The following GRIK2 variants were observed in gnomAD, a reference collection of about 807,000 sequenced individuals.
The protein encoded by GRIK2 is glutamate ionotropic receptor kainate type subunit 2, also known as glutamate receptor ionotropic, kainate 2.
Under a neutral mutation model 100.3 loss-of-function variants are expected in GRIK2, and 32 were observed. That is an observed-to-expected ratio of 0.32 (90% CI 0.24 to 0.43). The LOEUF (loss-of-function observed/expected upper bound fraction) is 0.43. Among genes scored for constraint, GRIK2 ranks in the 20% least tolerant of loss-of-function variants. The pLI is 1.00. For synonymous variants in GRIK2, 417 were observed against 389.4 expected, an observed-to-expected ratio of 1.07 and a Z score of -0.83; for missense variants, 843 against 1,114.9, an observed-to-expected ratio of 0.76 and a Z score of 3.47.
intron 12 of GRIK2, among the ~76,000 whole-genome samples, chr6:101,920,468 A>C (rs781191500): frequency 6.6e-6 from 1 of 151,950 alleles, no homozygotes; most frequent in Non-Finnish European, 1.5e-5. Flanking sequence ...GGGTTGAATA[A>C]CAAGAGCAGA....
rs185200107 is a variant in GRIK2 at position 101,518,519 on chromosome 6, T to G, written c.116-103430T>G. ...TATTGGAGAGGCAATCAATTTTCTA[T>G]GTGAAACAGATAGTAATATTAGCTG... On this transcript the variant is annotated intron_variant, in intron 2 of 16. Coordinates refer to ENST00000369134, the MANE Select transcript of GRIK2 (RefSeq NM_021956.5). Among the ~76,000 whole-genome samples, 989 of 150,166 alleles carry G rather than the reference T, an allele frequency of 6.6e-3. 8 individuals are homozygous for G. The highest frequency in any genetic ancestry group is 0.011 in the Non-Finnish European group (752 of 66,970).
chr6:101,805,375 T>C (rs1290985906), intron 9 of GRIK2, among the ~76,000 whole-genome samples: 1 of 151,806 alleles, frequency 6.6e-6, no homozygotes, highest in East Asian at 1.9e-4. Flanking sequence ...GTGAGAATAC[T>C]ATGGCCTCTA....
chr6:101,845,109 C>A (rs1783733462), intron 10 of GRIK2, among the ~76,000 whole-genome samples: 1 of 152,044 alleles, frequency 6.6e-6, no homozygotes, highest in South Asian at 2.1e-4. Context: ...CAACCTCCAA[C>A]TCCTGGCTCA....
chr6:101,409,578 G>A (rs1046854826), intron 2 of GRIK2, among the ~76,000 whole-genome samples: 6 of 152,010 alleles, frequency 3.9e-5, no homozygotes, highest in African/African-American at 9.7e-5. Context: ...ATGTTAGACC[G>A]TGAATTTAGT....
intron 14 of GRIK2, among the ~76,000 whole-genome samples, chr6:102,031,814 GA>G (rs1190765591): frequency 6.6e-6 from 1 of 151,200 alleles, no homozygotes; most frequent in Non-Finnish European, 1.5e-5. Context: ...TCTTTTTTAT[GA>G]CTGTGTAGTA....
At chr6:101,464,540 CAG>C (rs1771529631) in intron 2 of GRIK2, among the ~76,000 whole-genome samples, 2 of 89,648 alleles carry the variant, frequency 2.2e-5, no homozygotes, top group African/African-American at 8.4e-5. Flanking sequence ...TTTTTTGAGA[CAG>C]AGTCTCACTC....
intron 4 of GRIK2, among the ~76,000 whole-genome samples, chr6:101,645,732 A>G (rs910965920): frequency 1.3e-5 from 2 of 151,836 alleles, no homozygotes; most frequent in African/African-American, 4.8e-5. Context: ...ATGGGTTTTT[A>G]TTGCAGCATT....
At position 101,579,803 on chromosome 6, in the gene GRIK2, A is replaced by G. The variant is rs576912180; in HGVS notation, c.116-42146A>G. Reference sequence around the variant, plus strand: ...GAGGCGGAGGTTGCAGTGAGCCGAGATCATGCCACTGAACTCCAACCTGGC... The same window carrying G: ...GAGGCGGAGGTTGCAGTGAGCCGAGGTCATGCCACTGAACTCCAACCTGGC... On this transcript the variant is annotated intron_variant, in intron 2 of 16. Transcript: ENST00000369134. Among the ~76,000 whole-genome samples the G allele has an allele frequency of 2.6e-5, 4 of 151,352 alleles. No individual in the cohort carries two copies. In the East Asian group the frequency reaches 7.8e-4, roughly 30 times the overall value.
chr6:101,748,009 C>A (rs1272962067), intron 7 of GRIK2, among the ~76,000 whole-genome samples: 1 of 152,096 alleles, frequency 6.6e-6, no homozygotes, highest in Non-Finnish European at 1.5e-5. Context: ...ACTGACATTG[C>A]AATTGCTAGA....
intron 10 of GRIK2, among the ~76,000 whole-genome samples, chr6:101,831,665 T>C (rs878855705): frequency 6.6e-6 from 1 of 152,196 alleles, no homozygotes; most frequent in Admixed American, 6.5e-5. Context: ...CCTATTATTG[T>C]TCTTGTTGGT....
chr6:101,417,658 T>C (rs1391720325), intron 2 of GRIK2, among the ~76,000 whole-genome samples: 4 of 152,196 alleles, frequency 2.6e-5, no homozygotes, highest in African/African-American at 9.6e-5. Context: ...ACTTAAATAT[T>C]GCCGTATGTT....
chr6:102,045,785 A>G (rs2114472108), intron 15 of GRIK2, among the ~76,000 whole-genome samples: 1 of 152,206 alleles, frequency 6.6e-6, no homozygotes, highest in Middle Eastern at 3.4e-3. Context: ...TATGTCATAA[A>G]AGAAATGCAA....
chr6:101,859,214 A>G, intron 10 of GRIK2, 73 bp from the exon 11 acceptor site: 1 of 758,834 alleles, frequency 1.3e-6, no homozygotes, highest in Non-Finnish European at 2.2e-6. Flanking sequence ...CTGTCTTCTA[A>G]GAAAAGCAAT....
intron 2 of GRIK2, among the ~76,000 whole-genome samples, chr6:101,410,740 G>T (rs1028182473): frequency 5.9e-5 from 9 of 152,030 alleles, no homozygotes; most frequent in Non-Finnish European, 4.4e-5. Flanking sequence ...CCAGCGACAT[G>T]CAATTTACCT....
intron 14 of GRIK2, among the ~76,000 whole-genome samples, chr6:101,954,174 C>A (rs1047782856): frequency 6.6e-6 from 1 of 152,120 alleles, no homozygotes; most frequent in Admixed American, 6.5e-5. Context: ...TTAGGAAGAT[C>A]ATCAGTTTCC....
intron 12 of GRIK2, among the ~76,000 whole-genome samples, chr6:101,892,464 T>C (rs1211382910): frequency 6.6e-6 from 1 of 152,118 alleles, no homozygotes; most frequent in African/African-American, 2.4e-5. Flanking sequence ...TGATTTTACG[T>C]GAAAGAAATT....
intron 14 of GRIK2, among the ~76,000 whole-genome samples, chr6:101,950,359 A>C (rs770236056): frequency 1.3e-5 from 2 of 152,150 alleles, no homozygotes; most frequent in Non-Finnish European, 2.9e-5. Flanking sequence ...GGTTGACCAG[A>C]GGTCACTTGA....
chr6:101,526,603 A>G (rs1053487143), intron 2 of GRIK2, among the ~76,000 whole-genome samples: 1 of 152,114 alleles, frequency 6.6e-6, no homozygotes, highest in African/African-American at 2.4e-5. Context: ...ATGAAGTTTC[A>G]TTTTCCTCTA....
intron 10 of GRIK2, among the ~76,000 whole-genome samples, chr6:101,825,735 G>A (rs1024632597): frequency 1.8e-4 from 28 of 151,912 alleles, no homozygotes; most frequent in African/African-American, 6.5e-4. Context: ...ATTAAGTTTT[G>A]TATAAAAGAA....
Sources: gnomAD v4.1 joint callset for allele counts (sites outside exome capture counted in the v4.1 genomes callset) on GRCh38, gnomAD v4.1.1 for gene constraint, MANE v1.5 for transcripts, NCBI Gene and HGNC (gene_info 2026-07-23, HGNC 2026-07-21) for gene names.